PTCD1: variants seen among roughly 807,000 people sequenced by gnomAD.
PTCD1 encodes the protein pentatricopeptide repeat domain 1.
A neutral mutation model predicts 53.4 loss-of-function variants in PTCD1; 50 were observed. The ratio of observed to expected loss-of-function variants is 0.94; its 90% CI spans 0.75 to 1.19. PTCD1 has a LOEUF of 1.19. Ranked by LOEUF, PTCD1 falls within the 50% of genes most tolerant of loss-of-function variation. The probability of loss-of-function intolerance (pLI) is 0.00; values close to 1 mark genes in which losing one functional copy is unlikely to be tolerated. For synonymous variants in PTCD1, 413 were observed against 394.8 expected (o/e 1.05, Z -0.55); for missense variants, 918 against 904.8 (o/e 1.01, Z -0.19).
In PTCD1 at chr7:99,416,815, G is replaced by T. The variant is rs1157009636; in HGVS notation, c.*3152C>A. The T allele has an allele frequency of 6.4e-6, 1 of 156,312 alleles. No homozygotes were observed. The highest frequency in any genetic ancestry group is 1.4e-5 in the Non-Finnish European group (1 of 71,558). 9.7% of individuals were successfully genotyped at this position (156,312 alleles called of 1,614,324 possible). A position where few individuals can be genotyped will look rare whatever the true frequency, so the allele number is the denominator to read the frequency against. On this transcript the variant is annotated 3_prime_UTR_variant, in exon 8 of 8. Transcript: ENST00000292478. Reference sequence around the variant, plus strand: ...GGCTCACTGCAGCCTCAACCTTCTGGGCTCAAGGGATCCTCTCACCTCAAC... The same window carrying T: ...GGCTCACTGCAGCCTCAACCTTCTGTGCTCAAGGGATCCTCTCACCTCAAC...
chr7:99,438,509 C>T, intron 1 of PTCD1, 183 bp downstream of exon 1: 10 of 1,114,858 alleles, frequency 9.0e-6, no homozygotes, highest in Non-Finnish European at 1.1e-5. Flanking sequence ...AGAGACCCGC[C>T]CCTCCTCAGA....
intron 3 of PTCD1, 138 bp downstream of exon 3, chr7:99,433,137 TCAC>T: frequency 7.4e-7 from 1 of 1,343,630 alleles, no homozygotes; most frequent in Non-Finnish European, 1.1e-6. Flanking sequence ...TCACCCACAA[TCAC>T]CACCATTTTA....
At chr7:99,426,405 T>C (rs1796027314) in intron 5 of PTCD1, among the ~76,000 whole-genome samples, 1 of 152,226 alleles carries the variant, frequency 6.6e-6, no homozygotes, top group Non-Finnish European at 1.5e-5. Flanking sequence ...TTGGCCAGGC[T>C]GGTCTCCAGC....
Position 99,418,080 on chromosome 7 carries a change from G to C in PTCD1, c.*1887C>G, listed in dbSNP as rs1409960079. The stretch of plus-strand genomic sequence containing the variant: ...CCTCCCGGGTTCAAGCGGTTCTCCT[G>C]CCTCATCCTCCTGAGTAGCTGGGAC... On this transcript the variant is annotated 3_prime_UTR_variant, in exon 8 of 8. Transcript: ENST00000292478. The C allele has an allele frequency of 1.3e-6, 1 of 790,096 alleles. No homozygotes were observed. Among genetic ancestry groups the C allele is most frequent in the Admixed American group, 5.0e-5 (1 of 19,968 alleles). 48.9% of individuals were successfully genotyped at this position (790,096 alleles called of 1,614,324 possible).
chr7:99,429,305 G>T, intron 4 of PTCD1, 101 bp from the exon 5 acceptor site: 1 of 1,440,946 alleles, frequency 6.9e-7, no homozygotes. Context: ...AAGGCAGGAT[G>T]ATCACTTGAG....
intron 1 of PTCD1, among the ~76,000 whole-genome samples, chr7:99,438,218 G>A (rs1447381846): frequency 2.6e-5 from 4 of 152,110 alleles, no homozygotes; most frequent in South Asian, 2.1e-4. Context: ...TGGGCTTGGG[G>A]CCAGGAGTTC....
intron 5 of PTCD1, 126 bp downstream of exon 5, chr7:99,428,977 T>G (rs933509181): frequency 1.4e-4 from 169 of 1,189,048 alleles, no homozygotes; most frequent in Admixed American, 5.7e-4. Flanking sequence ...GGCTGCTGGG[T>G]TTTCAGAAAA....
At chr7:99,431,307 T>G (rs1051845432) in intron 3 of PTCD1, among the ~76,000 whole-genome samples, 1 of 151,778 alleles carries the variant, frequency 6.6e-6, no homozygotes, top group Non-Finnish European at 1.5e-5. Flanking sequence ...ATTTTGTATT[T>G]TTAGTAGAGA....
At position 99,419,516 on chromosome 7, in the gene PTCD1, C is replaced by T. The variant is rs147643455; in HGVS notation, c.*451G>A. The T allele has an allele frequency of 4.3e-3, 6,714 of 1,554,236 alleles. 22 individuals are homozygous for T. The highest frequency in any genetic ancestry group is 5.3e-3 in the Non-Finnish European group (5,981 of 1,135,316). On this transcript the variant is annotated 3_prime_UTR_variant, in exon 8 of 8. Transcript: ENST00000292478. ...CACGCCACCCCCTTCCTGGGAGCAG[C>T]GAGCAGTGCCCCAGGCCCGAGTTGG...
chr7:99,427,039 G>C (rs1362278929), intron 5 of PTCD1, among the ~76,000 whole-genome samples: 2 of 151,964 alleles, frequency 1.3e-5, no homozygotes, highest in Admixed American at 1.3e-4. Context: ...TGTCTGGGAA[G>C]TGAGGAGCGT....
chr7:99,420,141 C>T lies in PTCD1; in HGVS notation c.1929G>A (p.Gly643=). 2 of 1,614,160 alleles carry T rather than the reference C, an allele frequency of 1.2e-6. No homozygotes were observed. Among genetic ancestry groups the T allele is most frequent in the Non-Finnish European group, 1.7e-6 (2 of 1,180,026 alleles). ...QYPPTFDRYQ[G]KNTYLEKIDG... is the part of the protein sequence containing the mutation. ...CAATCTTCTCCAGGTAGGTGTTCTT[C>T]CCTTGGTACTAGAATTAGAAAAGTG... Residue 643 remains glycine, a synonymous_variant, in exon 8 of 8, where the codon GGG becomes GGA. Coordinates refer to ENST00000292478, the MANE Select transcript of PTCD1 (RefSeq NM_015545.4).
At chr7:99,433,757 G>C (rs932626228) in intron 2 of PTCD1, among the ~76,000 whole-genome samples, 2 of 152,166 alleles carry the variant, frequency 1.3e-5, no homozygotes, top group Admixed American at 6.5e-5. Flanking sequence ...TTTTGGTGTG[G>C]AAAGTCAGAC....
Position 99,438,704 on chromosome 7 carries a change from G to C in PTCD1, c.-39C>G. On this transcript the variant is annotated 5_prime_UTR_variant, in exon 1 of 8. Coordinates refer to ENST00000292478, the MANE Select transcript of PTCD1 (RefSeq NM_015545.4). ...CACAGGAACTCACTTGAAGTGTCCG[G>C]CGCAGTGCACTCCGACGGGGAGCCC... 1 of 1,289,346 alleles carries C rather than the reference G, an allele frequency of 7.8e-7. No homozygotes were observed. The highest frequency in any genetic ancestry group is 1.0e-6 in the Non-Finnish European group (1 of 992,420). The allele number at this position is 1,289,346 out of a possible 1,614,324, so 79.9% of individuals were successfully genotyped here. A position where few individuals can be genotyped will look rare whatever the true frequency, so the allele number is the denominator to read the frequency against.
Position 99,420,009 on chromosome 7 carries a change from G to A in PTCD1, c.2061C>T (p.Thr687=), listed in dbSNP as rs369956593. ...CACATCCGTCATCAGCCTCCTTGCC[G>A]GTGTCCTGGTCCCCCTGGGGCTTGG... ...FRTKPQGDQD[T]GKEADDGCAL... The change falls in exon 8 of 8, where the codon ACC becomes ACT. Residue 687 remains threonine (T), a synonymous_variant. Transcript: ENST00000292478. The A allele has an allele frequency of 9.4e-5, 152 of 1,614,092 alleles. No homozygotes were observed. The highest frequency in any genetic ancestry group is 1.6e-4 in the Middle Eastern group (1 of 6,084).
At chr7:99,430,736 C>T (rs989852401) in intron 3 of PTCD1, among the ~76,000 whole-genome samples, 3 of 152,210 alleles carry the variant, frequency 2.0e-5, no homozygotes, top group Non-Finnish European at 4.4e-5. Context: ...CCTTACTGAG[C>T]TTACACTCAA....
At position 99,417,252 on chromosome 7, in the gene PTCD1, C is replaced by G. The variant is rs1795541980; in HGVS notation, c.*2715G>C. ...ATTTTTAGTAGAGACGGGGTTTTAC[C>G]ATGTTGGCCGGGCTGGTCCTGAACT... On this transcript the variant is annotated 3_prime_UTR_variant, in exon 8 of 8. Transcript: ENST00000292478. 1.8e-6 allele frequency: 1 copy of G among 571,322 alleles called. No individual in the cohort carries two copies. The allele number at this position is 571,322 out of a possible 1,614,324, so 35.4% of individuals were successfully genotyped here. A position where few individuals can be genotyped will look rare whatever the true frequency, so the allele number is the denominator to read the frequency against.
At chr7:99,435,408 G>A in intron 1 of PTCD1, 140 bp from the exon 2 acceptor site, 1 of 1,119,334 alleles carries the variant, frequency 8.9e-7, no homozygotes, top group Non-Finnish European at 1.3e-6. Context: ...GGAGGTCGAG[G>A]CTGGCATATC....
Position 99,417,623 on chromosome 7 carries a change from TG to T in PTCD1, c.*2343del. Reference sequence around the variant, plus strand: ...AATGTCTGACACTCAAGCTTGGTGTTGTTTTCAGCTCAAAATTCTGCCTTAG... The same window carrying T: ...AATGTCTGACACTCAAGCTTGGTGTTTTTTCAGCTCAAAATTCTGCCTTAG... On this transcript the variant is annotated 3_prime_UTR_variant, in exon 8 of 8. Coordinates refer to ENST00000292478, the MANE Select transcript of PTCD1 (RefSeq NM_015545.4). 1 of 1,607,186 alleles carries T rather than the reference TG, an allele frequency of 6.2e-7. No individual in the cohort carries two copies. The highest frequency in any genetic ancestry group is 2.2e-5 in the East Asian group (1 of 44,878).
In PTCD1 at chr7:99,424,981, C is replaced by T; in HGVS notation, c.1551G>A (p.Glu517=). The T allele has an allele frequency of 6.2e-7, 1 of 1,614,254 alleles. No individual in the cohort carries two copies. Among genetic ancestry groups the T allele is most frequent in the Non-Finnish European group, 8.5e-7 (1 of 1,180,042 alleles). The change falls in exon 6 of 8, where the codon GAG becomes GAA. Residue 517 remains glutamate (E), a synonymous_variant. Transcript: ENST00000292478. ...LLALLDEHQV[E]ADLTFFNTLV... ...GCGTGTTAAAGAATGTCAGGTCGGC[C>T]TCTACCTGGTGCTCATCCAGGAGGG...
Sources: allele counts gnomAD v4.1 joint callset (sites outside exome capture counted in the v4.1 genomes callset), GRCh38; gene constraint gnomAD v4.1.1; transcripts MANE v1.5; gene names NCBI Gene and HGNC (gene_info 2026-07-23, HGNC 2026-07-21).